Variants in ADGRL2 observed in about 807,000 individuals in gnomAD.
ADGRL2 encodes calcium-independent alpha-latrotoxin receptor 2.
A neutral mutation model predicts 157.4 loss-of-function variants in ADGRL2; 44 were observed. That is an observed-to-expected ratio of 0.28 (90% CI 0.22 to 0.36). The LOEUF is 0.36. Among genes scored for constraint, ADGRL2 ranks in the 10% least tolerant of loss-of-function variants. The pLI, the probability that ADGRL2 is intolerant of heterozygous loss-of-function variation, is 1.00. For missense variants in ADGRL2, 1,510 were observed against 1,768.9 expected (o/e 0.85, Z 2.63); for synonymous variants, 585 against 624.7 (o/e 0.94, Z 0.95).
At chr1:81,867,020 A>T (rs1481412320) in intron 2 of ADGRL2, among the ~76,000 whole-genome samples, 2 of 152,160 alleles carry the variant, frequency 1.3e-5, no homozygotes, top group Admixed American at 6.6e-5. Flanking sequence ...AATATAAGTT[A>T]TCTGTGATTA....
At chr1:81,318,253 T>A (rs1246198517) in intron 1 of ADGRL2, among the ~76,000 whole-genome samples, 1 of 152,182 alleles carries the variant, frequency 6.6e-6, no homozygotes, top group Non-Finnish European at 1.5e-5. Context: ...GTTTATTGAT[T>A]GATATTAGTC....
intron 1 of ADGRL2, among the ~76,000 whole-genome samples, chr1:81,372,317 C>A (rs2076174053): frequency 6.6e-6 from 1 of 152,158 alleles, no homozygotes; most frequent in South Asian, 2.1e-4. Flanking sequence ...ATTTAGAGCT[C>A]AGGAACCCAT....
chr1:81,689,243 C>A (rs34473161), intron 3 of ADGRL2, among the ~76,000 whole-genome samples: 21,595 of 152,160 alleles, frequency 0.14, 1,583 homozygotes, highest in African/African-American at 0.16. Context: ...GAGATTCTTT[C>A]CCTAGGATAT....
intron 1 of ADGRL2, among the ~76,000 whole-genome samples, chr1:81,325,862 C>T (rs1345165938): frequency 1.3e-5 from 2 of 152,154 alleles, no homozygotes; most frequent in African/African-American, 2.4e-5. Flanking sequence ...AAGGGCTCTA[C>T]CCCCAATAAC....
At chr1:81,383,879 A>G (rs887429660) in intron 1 of ADGRL2, among the ~76,000 whole-genome samples, 3 of 146,252 alleles carry the variant, frequency 2.1e-5, no homozygotes, top group African/African-American at 5.0e-5. Flanking sequence ...ACTCAAACCC[A>G]GGAGGCGGAG....
chr1:81,924,322 G>A (rs1182562396), intron 3 of ADGRL2, among the ~76,000 whole-genome samples: 1 of 152,118 alleles, frequency 6.6e-6, no homozygotes, highest in Non-Finnish European at 1.5e-5. Flanking sequence ...TTCTTATTAA[G>A]GAAGAGATAG....
intron 1 of ADGRL2, among the ~76,000 whole-genome samples, chr1:81,443,131 T>C (rs566923111): frequency 1.6e-4 from 24 of 152,102 alleles, no homozygotes; most frequent in Non-Finnish European, 2.6e-4. Flanking sequence ...AAAAGTTTAC[T>C]GGATGGTGGT....
chr1:81,951,660 T>TA (rs5775654), intron 8 of ADGRL2, among the ~76,000 whole-genome samples: 33,670 of 152,054 alleles, frequency 0.22, 4,062 homozygotes, highest in Admixed American at 0.26. Context: ...AATAAGACTT[T>TA]AAAATAACAA....
intron 3 of ADGRL2, among the ~76,000 whole-genome samples, chr1:81,628,888 A>G (rs935421217): frequency 1.3e-5 from 2 of 152,248 alleles, no homozygotes; most frequent in African/African-American, 4.8e-5. Context: ...TCTCTAAGAA[A>G]TGACAAGAAA....
At chr1:81,617,514 C>T (rs936028653) in intron 3 of ADGRL2, among the ~76,000 whole-genome samples, 1 of 152,226 alleles carries the variant, frequency 6.6e-6, no homozygotes, top group Admixed American at 6.5e-5. Context: ...AGCAGAGCTG[C>T]TTTCTTTCGC....
chr1:81,778,061 C>CGCGG (rs2086658529), intron 2 of ADGRL2, among the ~76,000 whole-genome samples: 1 of 152,116 alleles, frequency 6.6e-6, no homozygotes, highest in African/African-American at 2.4e-5. Flanking sequence ...TGGCTCACGC[C>CGCGG]TGTAATCCCA....
chr1:81,789,466 G>A (rs2087221840), intron 2 of ADGRL2, among the ~76,000 whole-genome samples: 1 of 152,002 alleles, frequency 6.6e-6, no homozygotes, highest in Non-Finnish European at 1.5e-5. Flanking sequence ...AGTAGCTCAT[G>A]CCTGTAATCC....
chr1:81,859,406 CTTT>C (rs34509135), intron 2 of ADGRL2, among the ~76,000 whole-genome samples: 9 of 124,904 alleles, frequency 7.2e-5, no homozygotes, highest in African/African-American at 1.2e-4. Flanking sequence ...AGAATAAAAC[CTTT>C]TTTTTTTTTT....
chr1:81,699,028 A>T (rs2083503641), upstream of ADGRL2, among the ~76,000 whole-genome samples: 1 of 152,210 alleles, frequency 6.6e-6, no homozygotes, highest in Non-Finnish European at 1.5e-5. Flanking sequence ...AAGTAAAAGG[A>T]TCATAACTAA....
At chr1:81,412,594 C>T (rs1557669733) in intron 1 of ADGRL2, among the ~76,000 whole-genome samples, 2 of 152,166 alleles carry the variant, frequency 1.3e-5, no homozygotes, top group African/African-American at 2.4e-5. Context: ...GGGGAAGAGA[C>T]TCCATCTTCT....
At chr1:81,898,263 T>G (rs189332223) in intron 2 of ADGRL2, among the ~76,000 whole-genome samples, 1 of 152,354 alleles carries the variant, frequency 6.6e-6, no homozygotes, top group Admixed American at 6.5e-5. Context: ...TCTGTAAGCA[T>G]TTGTTGGGTA....
chr1:81,815,445 C>T (rs945751652), intron 1 of ADGRL2, among the ~76,000 whole-genome samples: 1 of 151,710 alleles, frequency 6.6e-6, no homozygotes, highest in Admixed American at 6.6e-5. Context: ...AATTTCACCT[C>T]GAGAAAATCT....
intron 1 of ADGRL2, among the ~76,000 whole-genome samples, chr1:81,702,830 A>T (rs1484101454): frequency 2.0e-5 from 3 of 152,214 alleles, no homozygotes; most frequent in Admixed American, 1.3e-4. Context: ...GTAATATATG[A>T]AAGGAACCAT....
chr1:81,597,195 T>C (rs1437835606), intron 3 of ADGRL2, among the ~76,000 whole-genome samples: 2 of 152,126 alleles, frequency 1.3e-5, no homozygotes, highest in East Asian at 3.9e-4. Flanking sequence ...ATTATGTGGG[T>C]GTTGGGTGGT....
Sources: gnomAD v4.1 joint callset for allele counts (sites outside exome capture counted in the v4.1 genomes callset) on GRCh38, gnomAD v4.1.1 for gene constraint, MANE v1.5 for transcripts, NCBI Gene and HGNC (gene_info 2026-07-23, HGNC 2026-07-21) for gene names.